BMPR2: variants seen among roughly 807,000 people sequenced by gnomAD.
BMPR2 encodes bone morphogenetic protein receptor type 2.
In BMPR2, 29 loss-of-function variants were observed where a neutral mutation model predicts 100.8. That is an observed-to-expected ratio of 0.29 (90% CI 0.21 to 0.39). BMPR2 has a LOEUF of 0.39. BMPR2 is among the 10% of genes least tolerant of loss of function. BMPR2 has a pLI of 1.00. For synonymous variants in BMPR2, 382 were observed against 442.3 expected (o/e 0.86, Z 1.71); for missense variants, 1,011 against 1,274.5 (o/e 0.79, Z 3.15).
intron 2 of BMPR2, among the ~76,000 whole-genome samples, chr2:202,465,719 G>A (rs548780924): frequency 6.6e-6 from 1 of 151,998 alleles, no homozygotes; most frequent in East Asian, 1.9e-4. Context: ...TTAGCCGGGC[G>A]TGGTGGCGGG....
At chr2:202,544,100 C>A (rs1280960167) in intron 10 of BMPR2, among the ~76,000 whole-genome samples, 1 of 152,058 alleles carries the variant, frequency 6.6e-6, no homozygotes, top group African/African-American at 2.4e-5. Context: ...CGAGATCGTG[C>A]CACTGCACTC....
chr2:202,534,923 C>T (rs1251678569), intron 9 of BMPR2, among the ~76,000 whole-genome samples: 1 of 142,720 alleles, frequency 7.0e-6, no homozygotes, highest in Non-Finnish European at 1.5e-5. Flanking sequence ...ACCTCCCTCC[C>T]GGACGGGGCG....
rs1217647720 is a variant in BMPR2, at chr2:202,441,540, T to TA, written c.77-23257dup. Among the ~76,000 whole-genome samples the TA allele has an allele frequency of 2.5e-3, 324 of 127,896 alleles. 3 individuals are homozygous for TA. The highest frequency in any genetic ancestry group is 0.013 in the Middle Eastern group (3 of 236). The allele number at this position is 127,896 out of a possible 152,430, so 83.9% of individuals were successfully genotyped here. On this transcript the variant is annotated intron_variant, in intron 1 of 12. Transcript: ENST00000374580. The stretch of plus-strand genomic sequence containing the variant: ...TAACACGGTGAAACCCCGTCTCTAC[T>TA]AAAAAAAAAAAACAACAAAAAACAA...
chr2:202,483,056 G>A (rs1272049399), intron 3 of BMPR2, among the ~76,000 whole-genome samples: 2 of 151,970 alleles, frequency 1.3e-5, no homozygotes, highest in African/African-American at 4.8e-5. Context: ...TTAAATAGTC[G>A]CTGTCCTAAT....
chr2:202,377,582 C>T (rs760601451), intron 1 of BMPR2, 32 bp downstream of exon 1: 16 of 1,611,690 alleles, frequency 9.9e-6, no homozygotes, highest in Non-Finnish European at 1.7e-6. Flanking sequence ...GTCCCGGCCA[C>T]TGCCCCTGCG....
At chr2:202,547,781 C>CAAAAA (rs373601864) in intron 10 of BMPR2, among the ~76,000 whole-genome samples, 1 of 56,898 alleles carries the variant, frequency 1.8e-5, no homozygotes, top group Non-Finnish European at 3.2e-5. Context: ...AGATCCATCA[C>CAAAAA]AAAAAAAAAA....
intron 9 of BMPR2, among the ~76,000 whole-genome samples, chr2:202,534,849 G>C (rs1688101423): frequency 2.0e-5 from 3 of 148,440 alleles, no homozygotes; most frequent in Admixed American, 2.0e-4. Flanking sequence ...GGCCAGGCGG[G>C]GGGCTGACCC....
At chr2:202,393,874 T>TGAGAGAGA (rs1452564596) in intron 1 of BMPR2, among the ~76,000 whole-genome samples, 5 of 76,648 alleles carry the variant, frequency 6.5e-5, no homozygotes, top group Admixed American at 1.7e-4. Flanking sequence ...ATTAAGGTAA[T>TGAGAGAGA]GAGAGAGCGA....
At chr2:202,504,097 G>A (rs571274729) in intron 3 of BMPR2, among the ~76,000 whole-genome samples, 5 of 151,984 alleles carry the variant, frequency 3.3e-5, no homozygotes, top group African/African-American at 9.7e-5. Context: ...GATTGTAAAC[G>A]CACCAATCAG....
chr2:202,425,449 ACTT>A (rs1327390180), intron 1 of BMPR2, among the ~76,000 whole-genome samples: 1 of 152,218 alleles, frequency 6.6e-6, no homozygotes, highest in Non-Finnish European at 1.5e-5. Context: ...ATTGGCCAAA[ACTT>A]TGTGATTGAT....
intron 1 of BMPR2, among the ~76,000 whole-genome samples, chr2:202,438,223 GAATC>G (rs1691655621): frequency 6.6e-6 from 1 of 150,542 alleles, no homozygotes; most frequent in Non-Finnish European, 1.5e-5. Flanking sequence ...TGAGGCAGGA[GAATC>G]GCTTGAACCC....
chr2:202,384,588 T>TTTTC (rs1167691807), intron 1 of BMPR2, among the ~76,000 whole-genome samples: 1 of 129,776 alleles, frequency 7.7e-6, no homozygotes, highest in African/African-American at 3.0e-5. Context: ...CTTTTCTTTC[T>TTTTC]TTTCTTTCTT....
Position 202,377,025 on chromosome 2 carries a change from C to T in BMPR2, c.-450C>T. The T allele has an allele frequency of 2.2e-6, 1 of 462,076 alleles. No homozygotes were observed. The highest frequency in any genetic ancestry group is 3.3e-5 in the East Asian group (1 of 30,300). The allele number at this position is 462,076 out of a possible 1,614,324, so 28.6% of individuals were successfully genotyped here. A position where few individuals can be genotyped will look rare whatever the true frequency, so the allele number is the denominator to read the frequency against. On this transcript the variant is annotated 5_prime_UTR_variant, in exon 1 of 13. Transcript: ENST00000374580. ...CTGCCGGGCGCCGCCGCCGCCCGTC[C>T]GGCTTCGTCCTTCCCGGCAGTCGGG... is the stretch of plus-strand genomic sequence containing the variant.
intron 3 of BMPR2, among the ~76,000 whole-genome samples, chr2:202,467,920 C>T (rs530855742): frequency 9.4e-4 from 143 of 151,958 alleles, no homozygotes; most frequent in Non-Finnish European, 1.8e-3. Context: ...TAGTGGTAGG[C>T]GCCTGTAATC....
At chr2:202,391,611 T>G (rs74645679) in intron 1 of BMPR2, among the ~76,000 whole-genome samples, 1 of 147,554 alleles carries the variant, frequency 6.8e-6, no homozygotes, top group Non-Finnish European at 1.5e-5. Flanking sequence ...TCTTTTTTTT[T>G]GGAGACAGGC....
chr2:202,456,880 T>C (rs1692119546), intron 1 of BMPR2, among the ~76,000 whole-genome samples: 1 of 152,180 alleles, frequency 6.6e-6, no homozygotes, highest in African/African-American at 2.4e-5. Context: ...AGTGTGGAGA[T>C]TGCATGTAAA....
At chr2:202,444,904 T>G (rs1691821232) in intron 1 of BMPR2, among the ~76,000 whole-genome samples, 1 of 150,664 alleles carries the variant, frequency 6.6e-6, no homozygotes, top group Non-Finnish European at 1.5e-5. Flanking sequence ...TTCTCGTGCC[T>G]CAGCCTCCCA....
chr2:202,508,482 T>G (rs1311407163), intron 3 of BMPR2, among the ~76,000 whole-genome samples: 1 of 152,206 alleles, frequency 6.6e-6, no homozygotes, highest in African/African-American at 2.4e-5. Flanking sequence ...GTAGGAGATT[T>G]TAAGGTGTGA....
chr2:202,514,052 T>C (rs1687670723), intron 4 of BMPR2, among the ~76,000 whole-genome samples: 2 of 152,098 alleles, frequency 1.3e-5, no homozygotes, highest in Non-Finnish European at 2.9e-5. Context: ...ACAGATATCA[T>C]ATATCTGTAA....
Sources: gnomAD v4.1 joint callset for allele counts (sites outside exome capture counted in the v4.1 genomes callset) on GRCh38, gnomAD v4.1.1 for gene constraint, MANE v1.5 for transcripts, NCBI Gene and HGNC (gene_info 2026-07-23, HGNC 2026-07-21) for gene names.